KCNT2: variants seen among roughly 807,000 people sequenced by gnomAD.
KCNT2 encodes the protein potassium channel subfamily T member 2.
KCNT2 carries 67 observed loss-of-function variants against 153.8 expected under a neutral mutation model. The observed-to-expected ratio is 0.44, with a 90% CI of 0.36 to 0.53. KCNT2 has a LOEUF of 0.53. Ranked by LOEUF, KCNT2 falls within the 20% of genes least tolerant of loss-of-function variation. The probability of loss-of-function intolerance (pLI) is 0.00; values close to 1 mark genes in which losing one functional copy is unlikely to be tolerated. For missense variants in KCNT2, 975 were observed against 1,354.8 expected (o/e 0.72, Z 4.40); for synonymous variants, 500 against 458.8 (o/e 1.09, Z -1.15).
intron 1 of KCNT2, among the ~76,000 whole-genome samples, chr1:196,595,844 C>T (rs752285583): frequency 6.6e-6 from 1 of 151,746 alleles, no homozygotes; most frequent in Non-Finnish European, 1.5e-5. Flanking sequence ...CCCTTCCTCC[C>T]GACCTTCCCC....
intron 26 of KCNT2, among the ~76,000 whole-genome samples, chr1:196,253,396 A>G (rs1166424272): frequency 2.0e-5 from 3 of 151,356 alleles, no homozygotes; most frequent in Admixed American, 1.3e-4. Flanking sequence ...AGAATGTTCA[A>G]TTTGGTCTCT....
intron 4 of KCNT2, among the ~76,000 whole-genome samples, chr1:196,481,876 C>T (rs1278906089): frequency 6.6e-6 from 1 of 152,100 alleles, no homozygotes; most frequent in East Asian, 1.9e-4. Context: ...GAACTAAGCT[C>T]TTACTATTGG....
At chr1:196,532,292 G>A (rs1655051367) in intron 1 of KCNT2, among the ~76,000 whole-genome samples, 1 of 151,828 alleles carries the variant, frequency 6.6e-6, no homozygotes, top group Non-Finnish European at 1.5e-5. Context: ...CAAAAAACAG[G>A]GAAAAAGTAG....
At chr1:196,413,963 A>T (rs1572367839) in intron 12 of KCNT2, among the ~76,000 whole-genome samples, 1 of 151,836 alleles carries the variant, frequency 6.6e-6, no homozygotes, top group East Asian at 1.9e-4. Flanking sequence ...CATTAAGACA[A>T]CAAAATAACT....
intron 1 of KCNT2, among the ~76,000 whole-genome samples, chr1:196,518,634 T>G (rs1652931047): frequency 6.6e-6 from 1 of 151,982 alleles, no homozygotes. Context: ...AATGCTAATT[T>G]CAGATAAAAC....
intron 4 of KCNT2, among the ~76,000 whole-genome samples, chr1:196,480,895 T>C (rs1455655300): frequency 1.3e-5 from 2 of 148,854 alleles, no homozygotes; most frequent in Non-Finnish European, 3.0e-5. Flanking sequence ...AGAGCATCGT[T>C]AGTATTTTCA....
At chr1:196,415,254 A>C (rs1672660800) in intron 12 of KCNT2, among the ~76,000 whole-genome samples, 1 of 151,876 alleles carries the variant, frequency 6.6e-6, no homozygotes, top group Admixed American at 6.6e-5. Context: ...GATTTCTACT[A>C]TCCTGATTGA....
At chr1:196,350,314 G>C (rs939979434) in intron 14 of KCNT2, among the ~76,000 whole-genome samples, 7 of 152,100 alleles carry the variant, frequency 4.6e-5, no homozygotes, top group African/African-American at 2.4e-5. Context: ...CTAGTTTACA[G>C]TCCCACCAAC....
intron 12 of KCNT2, among the ~76,000 whole-genome samples, chr1:196,401,324 A>G (rs1398149860): frequency 6.6e-6 from 1 of 151,846 alleles, no homozygotes; most frequent in African/African-American, 2.4e-5. Context: ...ATGAATTTCC[A>G]GAAAAATGTG....
chr1:196,552,267 C>T (rs1436478905), intron 1 of KCNT2, among the ~76,000 whole-genome samples: 2 of 151,462 alleles, frequency 1.3e-5, no homozygotes, highest in African/African-American at 2.4e-5. Flanking sequence ...TACATGTGCC[C>T]ATACCTACAT....
intron 14 of KCNT2, among the ~76,000 whole-genome samples, chr1:196,367,601 T>C (rs188129460): frequency 1.8e-3 from 270 of 152,268 alleles, no homozygotes; most frequent in African/African-American, 6.2e-3. Flanking sequence ...GTGAAATATA[T>C]CCTTTATGCA....
chr1:196,541,117 G>A (rs1457058634), intron 1 of KCNT2, among the ~76,000 whole-genome samples: 3 of 104,770 alleles, frequency 2.9e-5, no homozygotes, highest in South Asian at 4.0e-4. Flanking sequence ...ATTTATATTC[G>A]TTCAGTAGGT....
At chr1:196,451,407 A>ATTTTTTTTTTT (rs35621901) in intron 8 of KCNT2, among the ~76,000 whole-genome samples, 84 of 62,878 alleles carry the variant, frequency 1.3e-3, no homozygotes, top group African/African-American at 4.2e-3. Flanking sequence ...CACCCAACAC[A>ATTTTTTTTTTT]TTTTTTTTTT....
chr1:196,575,410 C>T (rs927827874), intron 1 of KCNT2, among the ~76,000 whole-genome samples: 2 of 151,884 alleles, frequency 1.3e-5, no homozygotes, highest in African/African-American at 2.4e-5. Context: ...ATGTCCATAG[C>T]GCTAAACTAT....
chr1:196,385,766 T>TAAAAAA (rs11455621), intron 13 of KCNT2, among the ~76,000 whole-genome samples: 5 of 144,986 alleles, frequency 3.4e-5, no homozygotes, highest in Non-Finnish European at 6.0e-5. Flanking sequence ...ATTTCTGCAT[T>TAAAAAA]AAAAAAATAT....
Position 196,280,881 on chromosome 1 carries a change from A to G in KCNT2, c.2889T>C (p.Ser963=), listed in dbSNP as rs769885180. Residue 963 remains serine, a synonymous_variant, in exon 25 of 28, where the codon TCT becomes TCC. Transcript: ENST00000294725. Reference sequence around the variant, plus strand: ...AAACCTCAGATGTAGTAAGTTTCTGAGACTCAGTCCTGTAGATTCCAATGG... The same window carrying G: ...AAACCTCAGATGTAGTAAGTTTCTGGGACTCAGTCCTGTAGATTCCAATGG... ...DVPIGIYRTE[S]QKLTTSESQI... 1.2e-6 allele frequency: 2 copies of G among 1,612,636 alleles called. No homozygotes were observed. Among genetic ancestry groups the G allele is most frequent in the East Asian group, 2.2e-5 (1 of 44,828 alleles).
chr1:196,326,611 T>C, intron 19 of KCNT2, 106 bp downstream of exon 19: 2 of 565,244 alleles, frequency 3.5e-6, no homozygotes. Context: ...CCATAATGTA[T>C]CTGATTTAAA....
At chr1:196,424,460 AC>A (rs1316071305) in intron 11 of KCNT2, among the ~76,000 whole-genome samples, 1 of 151,900 alleles carries the variant, frequency 6.6e-6, no homozygotes, top group South Asian at 2.1e-4. Context: ...TCTCTAGCAC[AC>A]CCAAATAATG....
intron 1 of KCNT2, among the ~76,000 whole-genome samples, chr1:196,503,206 T>A (rs1421418025): frequency 6.6e-6 from 1 of 151,506 alleles, no homozygotes. Context: ...TATTTCCACG[T>A]TTTTCTTCTT....
Sources: allele counts gnomAD v4.1 joint callset (sites outside exome capture counted in the v4.1 genomes callset), GRCh38; gene constraint gnomAD v4.1.1; transcripts MANE v1.5; gene names NCBI Gene and HGNC (gene_info 2026-07-23, HGNC 2026-07-21).